ROBO2: variants seen among roughly 807,000 people sequenced by gnomAD.
ROBO2 encodes the protein roundabout homolog 2.
In ROBO2, 53 loss-of-function variants were observed where a neutral mutation model predicts 160.8. That is an observed-to-expected ratio of 0.33 (90% CI 0.26 to 0.41). The LOEUF (loss-of-function observed/expected upper bound fraction) is 0.41. Ranked by LOEUF, ROBO2 falls within the 10% of genes least tolerant of loss-of-function variation. The pLI, the probability that ROBO2 is intolerant of heterozygous loss-of-function variation, is 1.00. For synonymous variants in ROBO2, 664 were observed against 611.7 expected (o/e 1.09, Z -1.26); for missense variants, 1,577 against 1,722.4 (o/e 0.92, Z 1.49).
chr3:76,351,717 A>C (rs1413970643), intron 2 of ROBO2, among the ~76,000 whole-genome samples: 1 of 151,938 alleles, frequency 6.6e-6, no homozygotes, highest in Non-Finnish European at 1.5e-5. Flanking sequence ...ATACATGTAA[A>C]TATATGAGTT....
chr3:77,380,697 T>C (rs570127180), intron 2 of ROBO2, among the ~76,000 whole-genome samples: 127 of 132,032 alleles, frequency 9.6e-4, no homozygotes, highest in African/African-American at 3.3e-3. Context: ...CCCTCCCTCC[T>C]TCCCTCCCTT....
chr3:77,180,115 GAGATCTAACACT>G (rs2080571860), intron 2 of ROBO2, among the ~76,000 whole-genome samples: 1 of 151,798 alleles, frequency 6.6e-6, no homozygotes, highest in Non-Finnish European at 1.5e-5. Flanking sequence ...TAGTGTTGAT[GAGATCTAACACT>G]TACATTTAAT....
chr3:76,287,868 A>T (rs1708589331), intron 2 of ROBO2, among the ~76,000 whole-genome samples: 1 of 148,444 alleles, frequency 6.7e-6, no homozygotes, highest in South Asian at 2.1e-4. Context: ...TGTTACTGCT[A>T]CTATTTTTGT....
chr3:76,771,883 G>A (rs917092116), intron 2 of ROBO2, among the ~76,000 whole-genome samples: 5 of 151,140 alleles, frequency 3.3e-5, no homozygotes, highest in Non-Finnish European at 7.4e-5. Flanking sequence ...AAAATGCTTG[G>A]TATAAACTAC....
At chr3:76,068,765 C>T (rs986779375) in intron 2 of ROBO2, among the ~76,000 whole-genome samples, 1 of 152,108 alleles carries the variant, frequency 6.6e-6, no homozygotes, top group Non-Finnish European at 1.5e-5. Flanking sequence ...CCCAATCTGC[C>T]TTCTCCTTTT....
intron 16 of ROBO2, 32 bp from the exon 18 acceptor site, chr3:77,588,719 A>C (rs766253868): frequency 6.3e-7 from 1 of 1,598,370 alleles, no homozygotes; most frequent in South Asian, 1.1e-5. Flanking sequence ...TTTTCGTTTT[A>C]ATATATACTA....
intron 23 of ROBO2, chr3:77,631,167 G>A (rs1330012125): frequency 6.6e-6 from 1 of 151,682 alleles, no homozygotes; most frequent in Non-Finnish European, 1.5e-5. Context: ...CTGTGCTTTT[G>A]GCAACCAGAA....
At chr3:77,482,444 G>C (rs1054478865) in intron 4 of ROBO2, among the ~76,000 whole-genome samples, 1 of 152,102 alleles carries the variant, frequency 6.6e-6, no homozygotes, top group Admixed American at 6.6e-5. Flanking sequence ...ATTGTGCTTT[G>C]TGCATGTGTA....
chr3:77,477,337 C>A, intron 2 of ROBO2, 77 bp from the exon 3 acceptor site: 1 of 1,449,296 alleles, frequency 6.9e-7, no homozygotes, highest in Non-Finnish European at 9.7e-7. Context: ...GTAAACAAGA[C>A]TTGAAGTTAC....
At chr3:77,303,550 G>T (rs1188492222) in intron 2 of ROBO2, among the ~76,000 whole-genome samples, 1 of 152,006 alleles carries the variant, frequency 6.6e-6, no homozygotes, top group Non-Finnish European at 1.5e-5. Flanking sequence ...TATATTTATT[G>T]CATTCACAAT....
At chr3:76,419,037 T>C (rs2075876349) in intron 2 of ROBO2, among the ~76,000 whole-genome samples, 1 of 152,222 alleles carries the variant, frequency 6.6e-6, no homozygotes. Context: ...ATATAAAGAT[T>C]AGTGTACCAT....
intron 2 of ROBO2, among the ~76,000 whole-genome samples, chr3:76,096,735 G>T (rs1385174654): frequency 6.6e-6 from 1 of 152,104 alleles, no homozygotes; most frequent in Non-Finnish European, 1.5e-5. Flanking sequence ...AGCAAGATAG[G>T]TGTTGCTATT....
At chr3:76,682,219 C>A (rs1021808590) in intron 2 of ROBO2, among the ~76,000 whole-genome samples, 13 of 152,006 alleles carry the variant, frequency 8.6e-5, no homozygotes, top group African/African-American at 3.1e-4. Context: ...CAGTTTTGAA[C>A]CCTAATATCA....
chr3:77,105,315 G>A (rs2072642310), intron 2 of ROBO2, among the ~76,000 whole-genome samples: 1 of 152,140 alleles, frequency 6.6e-6, no homozygotes, highest in South Asian at 2.1e-4. Flanking sequence ...TACAGGTGAG[G>A]ACCAAAAAGA....
At chr3:76,994,457 T>G (rs2060873752) in intron 2 of ROBO2, among the ~76,000 whole-genome samples, 1 of 152,196 alleles carries the variant, frequency 6.6e-6, no homozygotes, top group Non-Finnish European at 1.5e-5. Context: ...TATAAGTGAT[T>G]TACTCTGAAA....
At chr3:76,700,316 T>C (rs1020066882) in intron 2 of ROBO2, among the ~76,000 whole-genome samples, 1 of 152,136 alleles carries the variant, frequency 6.6e-6, no homozygotes, top group African/African-American at 2.4e-5. Context: ...CAAATATCCT[T>C]CCCAAAGAGC....
chr3:77,383,225 CT>C (rs372399284), intron 2 of ROBO2, among the ~76,000 whole-genome samples: 15 of 151,992 alleles, frequency 9.9e-5, no homozygotes, highest in African/African-American at 3.6e-4. Context: ...ATAATTTAAC[CT>C]CAATTTTCTC....
chr3:77,543,536 T>C (rs2092571408), intron 6 of ROBO2, among the ~76,000 whole-genome samples: 1 of 152,178 alleles, frequency 6.6e-6, no homozygotes, highest in Non-Finnish European at 1.5e-5. Context: ...ATCACTCATC[T>C]ACAAAAAAAA....
intron 2 of ROBO2, among the ~76,000 whole-genome samples, chr3:76,436,409 G>A (rs1348747863): frequency 6.6e-6 from 1 of 152,104 alleles, no homozygotes; most frequent in Non-Finnish European, 1.5e-5. Flanking sequence ...TCAGCTTATG[G>A]CTTCTGTCCA....
Sources: allele counts gnomAD v4.1 joint callset (sites outside exome capture counted in the v4.1 genomes callset), GRCh38; gene constraint gnomAD v4.1.1; transcripts MANE v1.5; gene names NCBI Gene and HGNC (gene_info 2026-07-23, HGNC 2026-07-21).